EDARADD: variants seen among roughly 807,000 people sequenced by gnomAD.
EDARADD encodes EDAR associated via death domain, also known as ectodysplasin-A receptor-associated adapter protein.
Under a neutral mutation model 25.6 loss-of-function variants are expected in EDARADD, and 20 were observed. That is an observed-to-expected ratio of 0.78 (90% CI 0.55 to 1.14). The LOEUF (loss-of-function observed/expected upper bound fraction) is 1.14, where lower values mean the gene tolerates loss of function less well. Ranked by LOEUF, EDARADD falls within the 50% of genes most tolerant of loss-of-function variation. The probability of loss-of-function intolerance (pLI) is 0.00; values close to 1 mark genes in which losing one functional copy is unlikely to be tolerated. For missense variants in EDARADD, 225 were observed against 270.1 expected, an observed-to-expected ratio of 0.83 and a Z score of 1.17; for synonymous variants, 86 against 94.4, an observed-to-expected ratio of 0.91 and a Z score of 0.52.
chr1:236,422,801 A>G (rs1465798380), intron 3 of EDARADD, among the ~76,000 whole-genome samples: 2 of 152,198 alleles, frequency 1.3e-5, no homozygotes, highest in Non-Finnish European at 2.9e-5. Flanking sequence ...AACATGCCAG[A>G]GTGCCCGGGT....
intron 3 of EDARADD, among the ~76,000 whole-genome samples, chr1:236,380,052 C>T (rs1667280298): frequency 6.6e-6 from 1 of 152,158 alleles, no homozygotes; most frequent in South Asian, 2.1e-4. Flanking sequence ...CTGCTGTTTG[C>T]CTTTGGTGCC....
intron 1 of EDARADD, among the ~76,000 whole-genome samples, chr1:236,397,506 A>G (rs1009225942): frequency 6.6e-6 from 1 of 152,162 alleles, no homozygotes; most frequent in Admixed American, 6.5e-5. Flanking sequence ...ACCTGGAACA[A>G]ATGGGCAACA....
At chr1:236,467,414 G>GCACACA (rs893009834) in intron 4 of EDARADD, among the ~76,000 whole-genome samples, 2 of 101,320 alleles carry the variant, frequency 2.0e-5, no homozygotes, top group African/African-American at 9.6e-5. Context: ...TTCATGGGAA[G>GCACACA]CACACACACG....
chr1:236,352,741 G>A (rs1426791739), intron 3 of EDARADD, among the ~76,000 whole-genome samples: 1 of 152,092 alleles, frequency 6.6e-6, no homozygotes, highest in Non-Finnish European at 1.5e-5. Flanking sequence ...CCAGCTACAG[G>A]GGAGGCTGAG....
At chr1:236,434,336 C>G (rs1430593515) in intron 4 of EDARADD, among the ~76,000 whole-genome samples, 1 of 151,876 alleles carries the variant, frequency 6.6e-6, no homozygotes, top group Non-Finnish European at 1.5e-5. Flanking sequence ...CACCTGGGTT[C>G]AAGCAATTTT....
chr1:236,430,481 T>C (rs1469946675), intron 4 of EDARADD, among the ~76,000 whole-genome samples: 1 of 152,220 alleles, frequency 6.6e-6, no homozygotes, highest in Non-Finnish European at 1.5e-5. Context: ...TCAGCATTTT[T>C]CCTAATTTCA....
chr1:236,404,407 A>C, intron 1 of EDARADD, among the ~76,000 whole-genome samples: 1 of 152,206 alleles, frequency 6.6e-6, no homozygotes, highest in East Asian at 1.9e-4. Flanking sequence ...GGAGTCTGCC[A>C]GGATCTAAAA....
chr1:236,441,914 T>G (rs191045593), intron 4 of EDARADD, among the ~76,000 whole-genome samples: 1 of 152,150 alleles, frequency 6.6e-6, no homozygotes, highest in Non-Finnish European at 1.5e-5. Context: ...GGTTGGTTCA[T>G]GAGCTTAAGG....
In EDARADD at chr1:236,419,015, T is replaced by G. The variant is rs557300947; in HGVS notation, c.160+4716T>G. Among the ~76,000 whole-genome samples, 11 of 152,250 alleles carry G rather than the reference T, an allele frequency of 7.2e-5. No individual in the cohort carries two copies. The East Asian group carries it at 1.7e-3, about 24-fold the overall frequency. On this transcript the variant is annotated intron_variant, in intron 3 of 5. Coordinates refer to ENST00000334232, the MANE Select transcript of EDARADD (RefSeq NM_145861.4). The stretch of plus-strand genomic sequence containing the variant: ...ATGGCAAGAATACAATGGTAACAAC[T>G]CTCCAAAACATTTTTTAATCTTTTG...
At chr1:236,451,980 G>A (rs1658725220) in intron 4 of EDARADD, among the ~76,000 whole-genome samples, 1 of 152,114 alleles carries the variant, frequency 6.6e-6, no homozygotes, top group Non-Finnish European at 1.5e-5. Context: ...TTTCCAGAAG[G>A]CACTGGTGCA....
chr1:236,389,170 AGCACCCATGATCAAG>A (rs1667391634), intron 3 of EDARADD, among the ~76,000 whole-genome samples: 1 of 152,166 alleles, frequency 6.6e-6, no homozygotes, highest in African/African-American at 2.4e-5. Context: ...TGGGTGTGGG[AGCACCCATGATCAAG>A]GCACCAGGAA....
At position 236,420,684 on chromosome 1, in the gene EDARADD, G is replaced by C. The variant is rs114933078; in HGVS notation, c.160+6385G>C. 3.3e-3 allele frequency among the ~76,000 whole-genome samples: 508 copies of C among 152,322 alleles called. 3 individuals are homozygous for C. Among genetic ancestry groups the C allele is most frequent in the African/African-American group, 0.012 (483 of 41,572 alleles). ...AATCCCACTCTCTACTGTCTGAAAG[G>C]CTTAGTAAAATGACAGACGAATGAA... On this transcript the variant is annotated intron_variant, in intron 3 of 5. Transcript: ENST00000334232.
intron 1 of EDARADD, among the ~76,000 whole-genome samples, chr1:236,396,804 A>C (rs1163472002): frequency 6.6e-6 from 1 of 151,874 alleles, no homozygotes; most frequent in Non-Finnish European, 1.5e-5. Flanking sequence ...GTTTGAAAAA[A>C]CAGAAGGGGA....
Position 236,395,430 on chromosome 1 carries a change from G to A in EDARADD, c.61+925G>A, listed in dbSNP as rs1051418219. On this transcript the variant is annotated intron_variant, in intron 1 of 5. Transcript: ENST00000334232. This position sits in a 1 kb window ranked among gnomAD's most constrained non-coding sequence, Gnocchi z 6.9. ...GGGGCTTTGCTAATTGCCAAAGCAG[G>A]AAGTGAGCTCGTGGAAGAAGCGAAG... 6.8e-7 allele frequency: 1 copy of A among 1,461,968 alleles called. No homozygotes were observed. The highest frequency in any genetic ancestry group is 9.0e-7 in the Non-Finnish European group (1 of 1,108,286). 90.6% of individuals were successfully genotyped at this position (1,461,968 alleles called of 1,614,324 possible). A position where few individuals can be genotyped will look rare whatever the true frequency, so the allele number is the denominator to read the frequency against.
intron 3 of EDARADD, among the ~76,000 whole-genome samples, chr1:236,358,261 T>C (rs1026910359): frequency 6.6e-6 from 1 of 152,234 alleles, no homozygotes; most frequent in Non-Finnish European, 1.5e-5. Context: ...ACAATTCCCT[T>C]TGCTCAACTC....
chr1:236,381,302 CATTTTT>C (rs1448801813), intron 3 of EDARADD, among the ~76,000 whole-genome samples: 2 of 151,866 alleles, frequency 1.3e-5, no homozygotes, highest in Admixed American at 1.3e-4. Context: ...ATACACCATT[CATTTTT>C]ATTTTTATTT....
intron 5 of EDARADD, among the ~76,000 whole-genome samples, chr1:236,478,696 C>T (rs112408853): frequency 0.066 from 9,982 of 152,160 alleles, 475 homozygotes; most frequent in Non-Finnish European, 0.092. Context: ...ACGCCATTCT[C>T]CTGCCTCAGC....
chr1:236,442,025 C>T (rs1658415247), intron 4 of EDARADD, among the ~76,000 whole-genome samples: 1 of 152,150 alleles, frequency 6.6e-6, no homozygotes, highest in Non-Finnish European at 1.5e-5. Flanking sequence ...TAGCTACCAT[C>T]ATTGATGAAA....
At chr1:236,355,572 C>T (rs974754616) in intron 3 of EDARADD, among the ~76,000 whole-genome samples, 4 of 138,766 alleles carry the variant, frequency 2.9e-5, no homozygotes, top group African/African-American at 8.0e-5. Context: ...TGCAGTGGCA[C>T]GATCTCGGCT....
Sources: allele counts gnomAD v4.1 joint callset (sites outside exome capture counted in the v4.1 genomes callset), GRCh38; gene constraint gnomAD v4.1.1; non-coding constraint Gnocchi (gnomAD v3.1); transcripts MANE v1.5; gene names NCBI Gene and HGNC (gene_info 2026-07-23, HGNC 2026-07-21).